The following CDH13 variants were observed in gnomAD, a reference collection of about 807,000 sequenced individuals.
CDH13 encodes cadherin-13.
Under a neutral mutation model 63.8 loss-of-function variants are expected in CDH13, and 24 were observed. The observed-to-expected ratio is 0.38, with a 90% CI of 0.27 to 0.53. CDH13 has a LOEUF of 0.53. Among genes scored for constraint, CDH13 ranks in the 20% least tolerant of loss-of-function variants. The pLI, the probability that CDH13 is intolerant of heterozygous loss-of-function variation, is 0.85. For synonymous variants in CDH13, 503 were observed against 355.3 expected (o/e 1.42, Z -4.67); for missense variants, 1,049 against 903.1 (o/e 1.16, Z -2.07).
intron 7 of CDH13, among the ~76,000 whole-genome samples, chr16:83,591,436 A>C (rs2150736795): frequency 6.6e-6 from 1 of 152,344 alleles, no homozygotes; most frequent in East Asian, 1.9e-4. Context: ...CTAACCAGCC[A>C]TGTGCTCCTG....
chr16:83,343,428 T>C (rs919900530), intron 5 of CDH13, among the ~76,000 whole-genome samples: 2 of 152,200 alleles, frequency 1.3e-5, no homozygotes, highest in African/African-American at 4.8e-5. Flanking sequence ...TTTTGAGAAA[T>C]AACAATGCAG....
intron 1 of CDH13, among the ~76,000 whole-genome samples, chr16:82,703,185 C>G (rs1202124748): frequency 6.6e-6 from 1 of 150,398 alleles, no homozygotes; most frequent in Non-Finnish European, 1.5e-5. Context: ...CATAAACATA[C>G]TACACACACT....
chr16:82,718,016 C>G (rs961634595), intron 1 of CDH13, among the ~76,000 whole-genome samples: 1 of 152,178 alleles, frequency 6.6e-6, no homozygotes, highest in African/African-American at 2.4e-5. Flanking sequence ...TAGTTGGGTT[C>G]CCACAGAAGC....
At chr16:83,235,526 A>G (rs985954876) in intron 5 of CDH13, among the ~76,000 whole-genome samples, 2 of 151,438 alleles carry the variant, frequency 1.3e-5, no homozygotes, top group East Asian at 3.9e-4. Context: ...AGAAATGACC[A>G]GTAACACGGT....
intron 3 of CDH13, among the ~76,000 whole-genome samples, chr16:83,096,808 G>A (rs568524822): frequency 6.6e-6 from 1 of 152,268 alleles, no homozygotes; most frequent in African/African-American, 2.4e-5. Flanking sequence ...CTATTGTTCA[G>A]TTTGCACTTA....
intron 1 of CDH13, among the ~76,000 whole-genome samples, chr16:82,763,565 A>G (rs2034935549): frequency 6.6e-6 from 1 of 152,260 alleles, no homozygotes; most frequent in Non-Finnish European, 1.5e-5. Context: ...TTAAAAATGC[A>G]ATGTCTGCAT....
chr16:83,066,701 C>T (rs1218227967), intron 3 of CDH13, among the ~76,000 whole-genome samples: 2 of 152,174 alleles, frequency 1.3e-5, no homozygotes. Flanking sequence ...TCCAAACGAT[C>T]AGCAAATTCT....
chr16:83,553,936 A>G (rs1316926527), intron 7 of CDH13, among the ~76,000 whole-genome samples: 2 of 152,214 alleles, frequency 1.3e-5, no homozygotes, highest in Admixed American at 6.5e-5. Flanking sequence ...AATTTATTGT[A>G]GATAATTTTG....
intron 3 of CDH13, among the ~76,000 whole-genome samples, chr16:83,072,344 T>C (rs1308074754): frequency 6.6e-6 from 1 of 152,238 alleles, no homozygotes; most frequent in African/African-American, 2.4e-5. Flanking sequence ...GTTGTGTTTA[T>C]ATATAATGCT....
At chr16:83,089,211 G>A (rs1037898901) in intron 3 of CDH13, among the ~76,000 whole-genome samples, 1 of 152,174 alleles carries the variant, frequency 6.6e-6, no homozygotes, top group Non-Finnish European at 1.5e-5. Context: ...GGTAGTGAAT[G>A]GCAGAACCAA....
intron 7 of CDH13, among the ~76,000 whole-genome samples, chr16:83,498,612 G>A (rs1297494948): frequency 2.0e-5 from 3 of 152,086 alleles, no homozygotes; most frequent in Non-Finnish European, 4.4e-5. Flanking sequence ...AAAGTGCCCT[G>A]GTTACAGAGA....
intron 3 of CDH13, among the ~76,000 whole-genome samples, chr16:83,105,845 GA>G (rs1231403547): frequency 3.3e-5 from 5 of 152,170 alleles, no homozygotes. Flanking sequence ...GGCAGGTAGT[GA>G]AGACCAGGAG....
At chr16:83,066,284 T>C (rs1485483652) in intron 3 of CDH13, among the ~76,000 whole-genome samples, 2 of 152,208 alleles carry the variant, frequency 1.3e-5, no homozygotes, top group Non-Finnish European at 2.9e-5. Flanking sequence ...GGGAGCTTCC[T>C]AAGACATGAG....
intron 10 of CDH13, among the ~76,000 whole-genome samples, chr16:83,700,256 C>A (rs541555675): frequency 1.3e-5 from 2 of 152,310 alleles, no homozygotes; most frequent in East Asian, 1.9e-4. Context: ...TCACCTGTGT[C>A]ACCAGTTACA....
intron 1 of CDH13, among the ~76,000 whole-genome samples, chr16:82,658,761 C>G (rs568245493): frequency 1.3e-5 from 2 of 152,150 alleles, no homozygotes; most frequent in Non-Finnish European, 2.9e-5. Flanking sequence ...TGCCCAGTGT[C>G]TTGTTTCTCT....
chr16:83,782,231 T>G (rs1393230890), intron 12 of CDH13, among the ~76,000 whole-genome samples: 1 of 152,158 alleles, frequency 6.6e-6, no homozygotes, highest in Non-Finnish European at 1.5e-5. Context: ...AAAATACATA[T>G]GACCCTAATC....
At chr16:83,636,192 C>A (rs1020815187) in intron 8 of CDH13, among the ~76,000 whole-genome samples, 3 of 152,108 alleles carry the variant, frequency 2.0e-5, no homozygotes, top group African/African-American at 4.8e-5. Flanking sequence ...TCTGTCTCAC[C>A]AGTACTGTAC....
intron 3 of CDH13, among the ~76,000 whole-genome samples, chr16:83,107,552 G>A (rs1003149005): frequency 6.6e-6 from 1 of 152,098 alleles, no homozygotes; most frequent in African/African-American, 2.4e-5. Flanking sequence ...TTGCATTTAG[G>A]AGGGTTTCAT....
intron 1 of CDH13, among the ~76,000 whole-genome samples, chr16:82,689,481 A>G (rs1308625567): frequency 6.6e-6 from 1 of 152,114 alleles, no homozygotes; most frequent in East Asian, 1.9e-4. Flanking sequence ...TCTCTTCCAA[A>G]CTGAATCTCA....
Sources: gnomAD v4.1 joint callset for allele counts (sites outside exome capture counted in the v4.1 genomes callset) on GRCh38, gnomAD v4.1.1 for gene constraint, MANE v1.5 for transcripts, NCBI Gene and HGNC (gene_info 2026-07-23, HGNC 2026-07-21) for gene names.